NTNG1: variants seen among roughly 807,000 people sequenced by gnomAD.
The protein encoded by NTNG1 is netrin-G1.
NTNG1 carries 16 observed loss-of-function variants against 54.0 expected under a neutral mutation model. That is an observed-to-expected ratio of 0.30 (90% CI 0.20 to 0.45). NTNG1 has a LOEUF of 0.45. Among genes scored for constraint, NTNG1 ranks in the 20% least tolerant of loss-of-function variants. NTNG1 has a pLI of 1.00. For missense variants in NTNG1, 530 were observed against 678.7 expected (o/e 0.78, Z 2.43); for synonymous variants, 255 against 263.1 (o/e 0.97, Z 0.30).
intron 2 of NTNG1, among the ~76,000 whole-genome samples, chr1:107,286,182 A>T (rs1394894416): frequency 6.6e-6 from 1 of 152,168 alleles, no homozygotes; most frequent in Non-Finnish European, 1.5e-5. Flanking sequence ...TCCAGGTGCC[A>T]TGGGAAAATG....
chr1:107,247,159 C>T (rs1662257265), intron 2 of NTNG1, among the ~76,000 whole-genome samples: 1 of 152,224 alleles, frequency 6.6e-6, no homozygotes, highest in Admixed American at 6.5e-5. Flanking sequence ...TGTCTGCACT[C>T]ATGCAATTGG....
chr1:107,243,254 A>T (rs1387478085), intron 2 of NTNG1, among the ~76,000 whole-genome samples: 1 of 152,214 alleles, frequency 6.6e-6, no homozygotes, highest in Non-Finnish European at 1.5e-5. Flanking sequence ...AAAAGCAGAA[A>T]GTTTTGAAAG....
intron 3 of NTNG1, among the ~76,000 whole-genome samples, chr1:107,383,180 A>G (rs1671752642): frequency 6.6e-6 from 1 of 152,224 alleles, no homozygotes; most frequent in African/African-American, 2.4e-5. Flanking sequence ...GTAGACAAGT[A>G]TACATATTTA....
At chr1:107,188,457 A>G (rs1657642940) in intron 2 of NTNG1, among the ~76,000 whole-genome samples, 1 of 152,178 alleles carries the variant, frequency 6.6e-6, no homozygotes, top group Non-Finnish European at 1.5e-5. Flanking sequence ...GGGATTTTGA[A>G]TGAATAAATT....
chr1:107,268,474 G>C (rs1057249657), intron 2 of NTNG1, among the ~76,000 whole-genome samples: 4 of 140,884 alleles, frequency 2.8e-5, no homozygotes, highest in African/African-American at 8.2e-5. Flanking sequence ...GATCTTGGCT[G>C]TCTCTCATCA....
At chr1:107,225,924 T>C (rs1381982057) in intron 2 of NTNG1, among the ~76,000 whole-genome samples, 1 of 152,122 alleles carries the variant, frequency 6.6e-6, no homozygotes, top group East Asian at 1.9e-4. Context: ...GGAAGGGCTA[T>C]GGAGGCACAG....
intron 3 of NTNG1, among the ~76,000 whole-genome samples, chr1:107,381,556 A>T (rs1671648377): frequency 6.6e-6 from 1 of 152,142 alleles, no homozygotes; most frequent in African/African-American, 2.4e-5. Context: ...GCCAGGCCAT[A>T]AGTTGCAGAT....
At chr1:107,233,340 T>G (rs1163427900) in intron 2 of NTNG1, among the ~76,000 whole-genome samples, 1 of 152,224 alleles carries the variant, frequency 6.6e-6, no homozygotes, top group Non-Finnish European at 1.5e-5. Context: ...ACAGGATTGT[T>G]GTTTATATGA....
intron 5 of NTNG1, among the ~76,000 whole-genome samples, chr1:107,426,160 C>A (rs1674897026): frequency 6.6e-6 from 1 of 152,072 alleles, no homozygotes; most frequent in African/African-American, 2.4e-5. Flanking sequence ...TTTTGCTATG[C>A]AGAAGCTTTT....
chr1:107,206,963 C>T (rs1183545504), intron 2 of NTNG1, among the ~76,000 whole-genome samples: 2 of 152,130 alleles, frequency 1.3e-5, no homozygotes, highest in Non-Finnish European at 2.9e-5. Flanking sequence ...AGTATATGAA[C>T]ATGGAAGCTA....
intron 2 of NTNG1, among the ~76,000 whole-genome samples, chr1:107,164,561 A>G (rs1454006289): frequency 2.0e-5 from 3 of 152,208 alleles, no homozygotes; most frequent in Non-Finnish European, 4.4e-5. Context: ...AGAAATACTT[A>G]AATAAGTACA....
At chr1:107,158,495 A>G (rs1655166365) in intron 2 of NTNG1, among the ~76,000 whole-genome samples, 1 of 152,190 alleles carries the variant, frequency 6.6e-6, no homozygotes, top group Non-Finnish European at 1.5e-5. Flanking sequence ...TCCAGTACAA[A>G]GAAATAGCCC....
At chr1:107,263,268 GCTTGCTTC>G (rs1237491414) in intron 2 of NTNG1, among the ~76,000 whole-genome samples, 6 of 138,958 alleles carry the variant, frequency 4.3e-5, no homozygotes, top group African/African-American at 8.1e-5. Flanking sequence ...TTCTAGGTTA[GCTTGCTTC>G]CTTCCTTCCT....
intron 2 of NTNG1, among the ~76,000 whole-genome samples, chr1:107,241,470 T>C (rs1223746014): frequency 6.6e-6 from 1 of 152,176 alleles, no homozygotes; most frequent in East Asian, 1.9e-4. Context: ...ATAACTGAAT[T>C]CCGCATTGTG....
At chr1:107,434,545 A>G (rs192186828) in intron 6 of NTNG1, among the ~76,000 whole-genome samples, 3 of 152,312 alleles carry the variant, frequency 2.0e-5, no homozygotes, top group South Asian at 4.1e-4. Flanking sequence ...TTGCATCACA[A>G]TGAAACAGAG....
chr1:107,331,509 AG>A (rs1204392959), intron 3 of NTNG1, among the ~76,000 whole-genome samples: 2 of 152,124 alleles, frequency 1.3e-5, no homozygotes, highest in Non-Finnish European at 2.9e-5. Flanking sequence ...TTGTGATGAT[AG>A]CTTCTTATTT....
intron 3 of NTNG1, among the ~76,000 whole-genome samples, chr1:107,339,339 G>T (rs1446065544): frequency 1.3e-5 from 2 of 152,042 alleles, no homozygotes; most frequent in African/African-American, 4.8e-5. Flanking sequence ...TTCTGGAAAT[G>T]TATAGTGTTA....
intron 3 of NTNG1, among the ~76,000 whole-genome samples, chr1:107,379,400 G>A (rs1671505012): frequency 6.6e-6 from 1 of 152,182 alleles, no homozygotes; most frequent in African/African-American, 2.4e-5. Context: ...GATCAACAGT[G>A]GCCTTCAGAT....
At chr1:107,304,532 T>G (rs1321674791) in intron 2 of NTNG1, among the ~76,000 whole-genome samples, 1 of 152,148 alleles carries the variant, frequency 6.6e-6, no homozygotes, top group Non-Finnish European at 1.5e-5. Flanking sequence ...CTAAATTCTA[T>G]AAAAAACATA....
Sources: allele counts gnomAD v4.1 joint callset (sites outside exome capture counted in the v4.1 genomes callset), GRCh38; gene constraint gnomAD v4.1.1; transcripts MANE v1.5; gene names NCBI Gene and HGNC (gene_info 2026-07-23, HGNC 2026-07-21).